Variants in STK31 observed in about 807,000 individuals in gnomAD.
The protein encoded by STK31 is serine/threonine kinase 31, also known as serine/threonine-protein kinase 31.
STK31 carries 89 observed loss-of-function variants against 129.7 expected under a neutral mutation model. That is an observed-to-expected ratio of 0.69 (90% CI 0.58 to 0.82). The LOEUF (loss-of-function observed/expected upper bound fraction) is 0.82. Among genes scored for constraint, STK31 ranks in the 40% least tolerant of loss-of-function variants. The pLI, the probability that STK31 is intolerant of heterozygous loss-of-function variation, is 0.00. For synonymous variants in STK31, 448 were observed against 395.3 expected, an observed-to-expected ratio of 1.13 and a Z score of -1.58; for missense variants, 1,187 against 1,176.4, an observed-to-expected ratio of 1.01 and a Z score of -0.13.
Position 23,824,976 on chromosome 7 carries a change from G to C in STK31, c.2830-7160G>C, listed in dbSNP as rs376798544. Among the ~76,000 whole-genome samples the C allele has an allele frequency of 2.6e-5, 4 of 152,124 alleles. No homozygotes were observed. In the South Asian group the frequency reaches 6.2e-4, roughly 24 times the overall value. On this transcript the variant is annotated intron_variant, in intron 23 of 23. Transcript: ENST00000355870. ...CTTGATCATGGTGGGTAAGCTTTTT[G>C]ATGTGTTGCTGGATTCGGTTTGCCA...
chr7:23,756,347 G>A (rs1341648247), intron 10 of STK31, among the ~76,000 whole-genome samples: 1 of 152,130 alleles, frequency 6.6e-6, no homozygotes, highest in East Asian at 1.9e-4. Context: ...CATTTATTTT[G>A]TATCCTGAGA....
intron 8 of STK31, among the ~76,000 whole-genome samples, chr7:23,742,305 G>C (rs1431887311): frequency 1.3e-5 from 2 of 152,226 alleles, no homozygotes; most frequent in African/African-American, 4.8e-5. Context: ...CTCAACAGCA[G>C]CTTGTAGCAG....
intron 23 of STK31, among the ~76,000 whole-genome samples, chr7:23,820,407 C>T (rs1409737173): frequency 6.6e-6 from 1 of 152,182 alleles, no homozygotes; most frequent in Non-Finnish European, 1.5e-5. Flanking sequence ...CATATTGATA[C>T]ATAATATTTG....
In STK31 at chr7:23,727,332, T is replaced by C. The variant is rs749784672; in HGVS notation, c.324+17T>C. ...GTTGAAAAGGCAGGAAATTAAGTGTTCAGTTTTTTTTTGCTTTAAGAAATA... is the reference window on the plus strand; with the variant it reads ...GTTGAAAAGGCAGGAAATTAAGTGTCCAGTTTTTTTTTGCTTTAAGAAATA... On this transcript the variant is annotated intron_variant, in intron 5 of 23. Coordinates refer to ENST00000355870, the MANE Select transcript of STK31 (RefSeq NM_031414.5). 12 of 1,611,454 alleles carry C rather than the reference T, an allele frequency of 7.4e-6. No homozygotes were observed. The highest frequency in any genetic ancestry group is 1.7e-4 in the Middle Eastern group (1 of 6,050).
intron 22 of STK31, among the ~76,000 whole-genome samples, chr7:23,800,810 G>GTATATATATATA (rs1456205985): frequency 1.3e-5 from 2 of 150,712 alleles, no homozygotes; most frequent in East Asian, 3.8e-4. Flanking sequence ...GTATCATACA[G>GTATATATATATA]TATATAATTT....
intron 4 of STK31, among the ~76,000 whole-genome samples, chr7:23,723,736 G>GT (rs1786873286): frequency 6.6e-6 from 1 of 152,116 alleles, no homozygotes; most frequent in Non-Finnish European, 1.5e-5. Context: ...TGAATATATA[G>GT]TTTTCACTAT....
intron 8 of STK31, among the ~76,000 whole-genome samples, chr7:23,737,860 AGT>A (rs67303802): frequency 0.07 from 10,459 of 149,172 alleles, 379 homozygotes; most frequent in South Asian, 0.095. Flanking sequence ...GTGGTTGATA[AGT>A]GTGTGTGTGT....
Position 23,750,067 on chromosome 7 carries a change from T to TCCCC in STK31, c.1018-2645_1018-2642dup, listed in dbSNP as rs1171568592. ...CTGGGATATTTCAGAATGGTTTGTT[T>TCCCC]CCCCCCCCGCCACTGCTGGAAACAT... On this transcript the variant is annotated intron_variant, in intron 8 of 23. Coordinates refer to ENST00000355870, the MANE Select transcript of STK31 (RefSeq NM_031414.5). Among the ~76,000 whole-genome samples the TCCCC allele has an allele frequency of 7.3e-3, 660 of 90,006 alleles. 24 individuals are homozygous for TCCCC. Among genetic ancestry groups the TCCCC allele is most frequent in the Non-Finnish European group, 0.01 (444 of 42,376 alleles). The allele number at this position is 90,006 out of a possible 152,430, so 59.0% of individuals were successfully genotyped here.
chr7:23,746,521 A>G (rs887888897), intron 8 of STK31, among the ~76,000 whole-genome samples: 5 of 152,208 alleles, frequency 3.3e-5, no homozygotes, highest in African/African-American at 1.2e-4. Context: ...AGGGAGGCAA[A>G]TAACAGTGGC....
intron 23 of STK31, among the ~76,000 whole-genome samples, chr7:23,830,510 GCTCGAAGACATTTTCTAATTCC>G (rs1794475855): frequency 6.6e-6 from 1 of 151,618 alleles, no homozygotes; most frequent in African/African-American, 2.4e-5. Flanking sequence ...ACCAGTGATT[GCTCGAAGACATTTTCTAATTCC>G]CTCTTTAATT....
chr7:23,818,465 A>C (rs940848492), intron 23 of STK31, among the ~76,000 whole-genome samples: 2 of 152,068 alleles, frequency 1.3e-5, no homozygotes, highest in Non-Finnish European at 2.9e-5. Context: ...CAGGCAGAAA[A>C]TTTTGTATGT....
At chr7:23,774,483 A>G (rs1790412581) in intron 15 of STK31, among the ~76,000 whole-genome samples, 2 of 152,144 alleles carry the variant, frequency 1.3e-5, no homozygotes. Flanking sequence ...TCTAACTGGT[A>G]TGAGATCGTA....
intron 6 of STK31, among the ~76,000 whole-genome samples, chr7:23,732,625 G>A (rs1787498719): frequency 6.6e-6 from 1 of 152,224 alleles, no homozygotes; most frequent in Non-Finnish European, 1.5e-5. Flanking sequence ...TTTGAATTCA[G>A]AGAGAAATCT....
intron 15 of STK31, among the ~76,000 whole-genome samples, chr7:23,773,801 T>C (rs1048281254): frequency 2.6e-5 from 4 of 152,070 alleles, no homozygotes; most frequent in African/African-American, 9.7e-5. Context: ...TATTATACTT[T>C]AAGTTCTACA....
chr7:23,744,424 G>A (rs1010542155), intron 8 of STK31, among the ~76,000 whole-genome samples: 3 of 150,890 alleles, frequency 2.0e-5, no homozygotes, highest in African/African-American at 4.9e-5. Context: ...TCAGTATTTT[G>A]GATTTTTCAT....
At chr7:23,785,172 A>G (rs1434083314) in intron 17 of STK31, among the ~76,000 whole-genome samples, 4 of 152,174 alleles carry the variant, frequency 2.6e-5, no homozygotes, top group East Asian at 1.9e-4. Context: ...TTTAGGAAAC[A>G]TAAGTGGTTT....
intron 15 of STK31, among the ~76,000 whole-genome samples, chr7:23,777,426 G>A (rs538339281): frequency 1.8e-3 from 278 of 152,092 alleles, no homozygotes; most frequent in African/African-American, 6.6e-3. Context: ...CTGACAGTAG[G>A]GTGTTAAAGT....
Position 23,710,227 on chromosome 7 carries a change from A to T in STK31, c.-59A>T. The T allele has an allele frequency of 6.2e-7, 1 of 1,611,442 alleles. No homozygotes were observed. Among genetic ancestry groups the T allele is most frequent in the South Asian group, 1.1e-5 (1 of 90,592 alleles). ...CGCAGTGTGGGGCCCTTGCGGTCGAAGCTCACGCGGTAAGCCGCTGCACGT... is the reference window on the plus strand; with the variant it reads ...CGCAGTGTGGGGCCCTTGCGGTCGATGCTCACGCGGTAAGCCGCTGCACGT... On this transcript the variant is annotated 5_prime_UTR_variant, in exon 1 of 24. The change creates a new upstream start codon in the 5' untranslated region. Coordinates refer to ENST00000355870, the MANE Select transcript of STK31 (RefSeq NM_031414.5).
At chr7:23,720,838 A>G (rs1210244489) in intron 4 of STK31, among the ~76,000 whole-genome samples, 1 of 152,202 alleles carries the variant, frequency 6.6e-6, no homozygotes, top group African/African-American at 2.4e-5. Context: ...TATGTACAGC[A>G]TCCCAGCAAC....
Sources: gnomAD v4.1 joint callset for allele counts (sites outside exome capture counted in the v4.1 genomes callset) on GRCh38, gnomAD v4.1.1 for gene constraint, MANE v1.5 for transcripts, NCBI Gene and HGNC (gene_info 2026-07-23, HGNC 2026-07-21) for gene names.